Variants in EIF2AK4 observed in about 807,000 individuals in gnomAD.
The protein encoded by EIF2AK4 is eIF-2-alpha kinase GCN2.
EIF2AK4 carries 139 observed loss-of-function variants against 211.1 expected under a neutral mutation model. The ratio of observed to expected loss-of-function variants is 0.66; its 90% CI spans 0.57 to 0.76. The LOEUF (loss-of-function observed/expected upper bound fraction) is 0.76, where lower values mean the gene tolerates loss of function less well. Ranked by LOEUF, EIF2AK4 falls within the 30% of genes least tolerant of loss-of-function variation. The pLI, the probability that EIF2AK4 is intolerant of heterozygous loss-of-function variation, is 0.00. For missense variants in EIF2AK4, 1,664 were observed against 2,043.8 expected, an observed-to-expected ratio of 0.81 and a Z score of 3.58; for synonymous variants, 710 against 751.3, an observed-to-expected ratio of 0.94 and a Z score of 0.90.
chr15:40,034,238 T>C, intron 37 of EIF2AK4, 88 bp from the exon 38 acceptor site: 2 of 963,806 alleles, frequency 2.1e-6, no homozygotes, highest in South Asian at 2.9e-5. Flanking sequence ...AAGAGGGAAA[T>C]GACACTGGAA....
chr15:40,015,500 C>T (rs1476825585), intron 27 of EIF2AK4, among the ~76,000 whole-genome samples: 1 of 152,222 alleles, frequency 6.6e-6, no homozygotes, highest in Admixed American at 6.5e-5. Flanking sequence ...TATCATGAGA[C>T]TATCATGGGA....
In EIF2AK4 at chr15:39,939,563, A is replaced by G; in HGVS notation, c.203A>G (p.Glu68Gly). 2 of 1,613,216 alleles carry G rather than the reference A, an allele frequency of 1.2e-6. No individual in the cohort carries two copies. The highest frequency in any genetic ancestry group is 1.7e-6 in the Non-Finnish European group (2 of 1,179,454). Residue 68 changes from glutamate (E) to glycine (G), a missense_variant, in exon 2 of 39, where the codon GAA becomes GGA. Transcript: ENST00000263791. The part of the protein sequence containing the change: ...VLYPQGLTGE[E>G]VYVKVDLRVK... ...TACCCTCAAGGCCTAACTGGTGAAG[A>G]AGTATATGTAAAAGTGGATTTGAGG... is the stretch of plus-strand genomic sequence containing the variant.
chr15:39,937,821 A>T (rs1234628385), intron 1 of EIF2AK4, among the ~76,000 whole-genome samples: 1 of 152,222 alleles, frequency 6.6e-6, no homozygotes, highest in East Asian at 1.9e-4. Context: ...AATATAGGCA[A>T]TTGAATTTTT....
chr15:40,006,385 A>G (rs1296841972), intron 23 of EIF2AK4, among the ~76,000 whole-genome samples: 1 of 152,234 alleles, frequency 6.6e-6, no homozygotes, highest in Non-Finnish European at 1.5e-5. Flanking sequence ...TCTAAATATT[A>G]GGAGACTAAA....
rs62002535 is a variant in EIF2AK4 at position 39,934,338 on chromosome 15, C to G, written c.143C>G (p.Pro48Arg). 1.9e-6 allele frequency: 3 copies of G among 1,606,366 alleles called. No individual in the cohort carries two copies. The highest frequency in any genetic ancestry group is 1.3e-5 in the African/African-American group (1 of 74,634). ...GACCTGCGGCCGGACGCTTGCGGAC[C>G]GGTAGGAACGTGGCTTGTCAGGCCC... Reference protein sequence around the residue: ...FQDLRPDACGPVKEPPEINLV... With the variant: ...FQDLRPDACGRVKEPPEINLV... Residue 48 changes from proline to arginine, a missense_variant and splice_region_variant, in exon 1 of 39, where the codon CCG becomes CGG. Physicochemically the swap from Pro to Arg is moderately radical, Grantham distance 103. Transcript: ENST00000263791.
chr15:40,034,489 C>G (rs1364753613), intron 38 of EIF2AK4, 45 bp downstream of exon 38: 1 of 1,458,214 alleles, frequency 6.9e-7, no homozygotes, highest in African/African-American at 1.4e-5. Context: ...GGTTAAAATT[C>G]AGGGCGGGGG....
intron 7 of EIF2AK4, among the ~76,000 whole-genome samples, 175 bp from the exon 8 acceptor site, chr15:39,965,511 T>G (rs1414628790): frequency 6.6e-6 from 1 of 152,244 alleles, no homozygotes; most frequent in African/African-American, 2.4e-5. Flanking sequence ...CTCAGGTATA[T>G]TGCTAAATAT....
At chr15:39,935,464 G>T (rs1486801169) in intron 1 of EIF2AK4, among the ~76,000 whole-genome samples, 1 of 151,862 alleles carries the variant, frequency 6.6e-6, no homozygotes, top group Non-Finnish European at 1.5e-5. Context: ...CAAGTACCTG[G>T]GACTACAGGC....
At chr15:39,976,901 A>G (rs948720923) in intron 12 of EIF2AK4, 57 bp downstream of exon 12, 4 of 1,359,410 alleles carry the variant, frequency 2.9e-6, no homozygotes, top group Non-Finnish European at 3.8e-6. Flanking sequence ...TCCTTTCTTT[A>G]TTTTTTTTTC....
intron 3 of EIF2AK4, among the ~76,000 whole-genome samples, chr15:39,944,603 T>C (rs1044363656): frequency 1.3e-5 from 2 of 151,944 alleles, no homozygotes. Flanking sequence ...GGCTAATTTT[T>C]TTTGTATTTT....
intron 20 of EIF2AK4, among the ~76,000 whole-genome samples, chr15:40,000,387 T>C (rs1018868602): frequency 2.0e-5 from 3 of 152,208 alleles, no homozygotes; most frequent in Non-Finnish European, 4.4e-5. Context: ...TAAATCTTTA[T>C]TATAAACAAG....
intron 3 of EIF2AK4, among the ~76,000 whole-genome samples, chr15:39,945,034 C>G (rs1415837495): frequency 6.6e-6 from 1 of 152,148 alleles, no homozygotes; most frequent in East Asian, 1.9e-4. Context: ...AAAGTTCTTT[C>G]TAGTACAAGG....
At chr15:39,992,091 C>T in intron 16 of EIF2AK4, 84 bp from the exon 17 acceptor site, 1 of 1,206,924 alleles carries the variant, frequency 8.3e-7, no homozygotes, top group Non-Finnish European at 1.2e-6. Context: ...AATATTTCCT[C>T]AGTCTTCATT....
At chr15:39,946,296 T>C (rs1457043561) in intron 3 of EIF2AK4, among the ~76,000 whole-genome samples, 1 of 152,244 alleles carries the variant, frequency 6.6e-6, no homozygotes, top group African/African-American at 2.4e-5. Context: ...AACAGGAGTT[T>C]GGAATATGAT....
chr15:39,980,256 A>G (rs543490677), intron 13 of EIF2AK4, among the ~76,000 whole-genome samples: 5 of 152,228 alleles, frequency 3.3e-5, no homozygotes, highest in African/African-American at 4.8e-5. Flanking sequence ...ACAGTGCACA[A>G]TGGTATCCAA....
Position 39,972,334 on chromosome 15 carries a change from G to A in EIF2AK4, c.1554-574G>A, listed in dbSNP as rs193169137. On this transcript the variant is annotated intron_variant, in intron 9 of 38. Transcript: ENST00000263791. Reference sequence around the variant, plus strand: ...CACTGCACTGCAGCCTGGGCGATACGGCAAGACCCTATTTCAAAAAAAAAA... The same window carrying A: ...CACTGCACTGCAGCCTGGGCGATACAGCAAGACCCTATTTCAAAAAAAAAA... Among the ~76,000 whole-genome samples the A allele has an allele frequency of 1.7e-3, 260 of 149,306 alleles. 3 individuals are homozygous for A. Among genetic ancestry groups the A allele is most frequent in the Admixed American group, 0.016 (247 of 14,996 alleles).
At chr15:39,954,089 A>AG (rs979714958) in intron 5 of EIF2AK4, 105 bp downstream of exon 5, 1 of 973,442 alleles carries the variant, frequency 1.0e-6, no homozygotes, top group African/African-American at 1.7e-5. Context: ...CTTAAAATAA[A>AG]GCACTAAAAA....
chr15:40,020,850 T>C, intron 30 of EIF2AK4, 49 bp from the exon 31 acceptor site: 1 of 1,516,816 alleles, frequency 6.6e-7, no homozygotes, highest in South Asian at 1.3e-5. Flanking sequence ...TTCACTTCCA[T>C]GCCTGCAGTC....
chr15:39,973,768 C>T lies in EIF2AK4; in HGVS notation c.1818+19C>T, dbSNP rs751891555. ...CATCAAGGTGTGGTACAGAGTCATTCCCAGTCCCCTTTAGAGCTCCTTCTC... is the reference window on the plus strand; with the variant it reads ...CATCAAGGTGTGGTACAGAGTCATTTCCAGTCCCCTTTAGAGCTCCTTCTC... On this transcript the variant is annotated intron_variant, in intron 11 of 38. Coordinates refer to ENST00000263791, the MANE Select transcript of EIF2AK4 (RefSeq NM_001013703.4). 6.2e-7 allele frequency: 1 copy of T among 1,613,172 alleles called. No individual in the cohort carries two copies. The highest frequency in any genetic ancestry group is 8.5e-7 in the Non-Finnish European group (1 of 1,179,486).
Sources: allele counts gnomAD v4.1 joint callset (sites outside exome capture counted in the v4.1 genomes callset), GRCh38; gene constraint gnomAD v4.1.1; transcripts MANE v1.5; gene names NCBI Gene and HGNC (gene_info 2026-07-23, HGNC 2026-07-21).